CLCN1: variants seen among roughly 807,000 people sequenced by gnomAD.
CLCN1 encodes chloride channel protein 1.
In CLCN1, 100 loss-of-function variants were observed where a neutral mutation model predicts 114.5. That is an observed-to-expected ratio of 0.87 (90% CI 0.74 to 1.03). CLCN1 has a LOEUF of 1.03. CLCN1 is among the 50% of genes least tolerant of loss of function. The pLI is 0.00. For missense variants in CLCN1, 1,188 were observed against 1,250.0 expected (o/e 0.95, Z 0.75); for synonymous variants, 485 against 487.1 (o/e 1.00, Z 0.06).
At chr7:143,319,181 G>T (rs1368211477) in intron 1 of CLCN1, among the ~76,000 whole-genome samples, 1 of 152,158 alleles carries the variant, frequency 6.6e-6, no homozygotes, top group Non-Finnish European at 1.5e-5. Context: ...TGCCTTTTCG[G>T]GCTAGTTCTT....
At position 143,326,892 on chromosome 7, in the gene CLCN1, A is replaced by G. The variant is rs144480407; in HGVS notation, c.853+2400A>G. On this transcript the variant is annotated intron_variant, in intron 7 of 22. Transcript: ENST00000343257. ...TCATGGTTTACTAGATCTAATGTGT[A>G]AAAATGGTTCTATAAACCAGTTGGA... 9.6e-3 allele frequency among the ~76,000 whole-genome samples: 1,470 copies of G among 152,338 alleles called. 30 individuals are homozygous for G. Among genetic ancestry groups the G allele is most frequent in the African/African-American group, 0.034 (1,398 of 41,560 alleles).
intron 1 of CLCN1, 37 bp downstream of exon 1, chr7:143,316,429 A>G (rs1341011756): frequency 1.3e-6 from 2 of 1,577,936 alleles, no homozygotes; most frequent in Non-Finnish European, 1.7e-6. Context: ...GCCATGGATG[A>G]GGGGAGACAG....
intron 9 of CLCN1, 31 bp downstream of exon 9, chr7:143,331,347 G>T (rs748321826): frequency 2.0e-6 from 3 of 1,503,272 alleles, no homozygotes; most frequent in East Asian, 4.5e-5. Flanking sequence ...TGTGTGTGGT[G>T]AGCAGGGTGT....
intron 22 of CLCN1, among the ~76,000 whole-genome samples, chr7:143,351,387 G>T (rs1413961524): frequency 6.6e-6 from 1 of 152,094 alleles, no homozygotes; most frequent in Non-Finnish European, 1.5e-5. Context: ...TGGATCTTTT[G>T]TCATGCCCCT....
intron 12 of CLCN1, among the ~76,000 whole-genome samples, chr7:143,338,200 C>T (rs1802964841): frequency 6.6e-6 from 1 of 152,052 alleles, no homozygotes. Flanking sequence ...AAAATGGTCT[C>T]AATTTCTATT....
chr7:143,323,945 A>G, intron 6 of CLCN1: 1 of 448,922 alleles, frequency 2.2e-6, no homozygotes, highest in South Asian at 1.6e-5. Flanking sequence ...AAGACTTAGA[A>G]GGGGGTTTTG....
chr7:143,328,456 C>T (rs1200794337), intron 7 of CLCN1, among the ~76,000 whole-genome samples: 1 of 152,154 alleles, frequency 6.6e-6, no homozygotes, highest in Non-Finnish European at 1.5e-5. Flanking sequence ...CTTAGCTGCA[C>T]ATTTTATGTC....
intron 12 of CLCN1, among the ~76,000 whole-genome samples, chr7:143,336,436 C>T: frequency 6.6e-6 from 1 of 151,546 alleles, no homozygotes; most frequent in East Asian, 1.9e-4. Flanking sequence ...ATGGCAAAAC[C>T]CTGTCTCAAC....
intron 1 of CLCN1, among the ~76,000 whole-genome samples, chr7:143,316,687 A>C (rs571877030): frequency 6.6e-6 from 1 of 152,248 alleles, no homozygotes; most frequent in South Asian, 2.1e-4. Context: ...TGCTTACATA[A>C]CCTACGTGGA....
chr7:143,316,223 C>T lies in CLCN1; in HGVS notation c.11C>T (p.Ser4Phe), dbSNP rs777366731. 3 of 1,613,072 alleles carry T rather than the reference C, an allele frequency of 1.9e-6. No individual in the cohort carries two copies. The highest frequency in any genetic ancestry group is 2.5e-6 in the Non-Finnish European group (3 of 1,179,480). ...TCGGGGGGAGGGAATATGGAGCAAT[C>T]CCGGTCACAGCAGCGTGGGGGTGAA... MEQSRSQQRGGEQS... is the reference protein window; with the variant it reads MEQFRSQQRGGEQS... The change falls in exon 1 of 23, where the codon TCC (serine) becomes TTC (phenylalanine). Residue 4 changes from serine (S) to phenylalanine (F), a missense_variant. By Grantham distance (155) the Ser-to-Phe change is radical. Coordinates refer to ENST00000343257, the MANE Select transcript of CLCN1 (RefSeq NM_000083.3).
intron 7 of CLCN1, among the ~76,000 whole-genome samples, chr7:143,329,696 G>A (rs1040261754): frequency 6.6e-6 from 1 of 152,182 alleles, no homozygotes; most frequent in African/African-American, 2.4e-5. Flanking sequence ...AACCTGCCTA[G>A]TTCAAGGTTT....
chr7:143,320,558 TCTCTCTCTC>T, intron 2 of CLCN1, 97 bp from the exon 3 acceptor site: 2 of 808,142 alleles, frequency 2.5e-6, no homozygotes. Flanking sequence ...TGCTTTTCTC[TCTCTCTCTC>T]TCTCTCTCTC....
intron 7 of CLCN1, 83 bp from the exon 8 acceptor site, chr7:143,330,689 G>C (rs762109111): frequency 6.5e-5 from 103 of 1,587,836 alleles, no homozygotes; most frequent in Non-Finnish European, 8.4e-5. Flanking sequence ...TTCAGCAAAA[G>C]CTCCTTAGGT....
rs1038304103 is a variant in CLCN1, at chr7:143,321,310, G to A, written c.434-55G>A. Reference sequence around the variant, plus strand: ...CATGCCGGGTACACGTCCTGGTGCCGTGGACACGGCTGCTCAGCCATGTTC... The same window carrying A: ...CATGCCGGGTACACGTCCTGGTGCCATGGACACGGCTGCTCAGCCATGTTC... On this transcript the variant is annotated intron_variant, in intron 3 of 22. Transcript: ENST00000343257. The surrounding 1 kb of genome is among the most constrained non-coding windows in gnomAD (Gnocchi z 4.2). The A allele has an allele frequency of 3.4e-5, 54 of 1,607,730 alleles. No homozygotes were observed. Among genetic ancestry groups the A allele is most frequent in the Admixed American group, 6.7e-5 (4 of 59,316 alleles).
In CLCN1 at chr7:143,323,324, A is replaced by C; in HGVS notation, c.712A>C (p.Ile238Leu). ...PVGKEGPFVH[I>L]ASICAAVLSK... ...CCTCTCCCAGGGCCCCTTCGTCCAC[A>C]TTGCCAGCATCTGTGCTGCTGTCCT... The change falls in exon 6 of 23, where the codon ATT becomes CTT. Residue 238 changes from isoleucine to leucine, a missense_variant. Transcript: ENST00000343257. 2 of 1,612,466 alleles carry C rather than the reference A, an allele frequency of 1.2e-6. No individual in the cohort carries two copies. Among genetic ancestry groups the C allele is most frequent in the South Asian group, 2.2e-5 (2 of 91,028 alleles).
At chr7:143,336,608 A>T (rs1326269751) in intron 12 of CLCN1, among the ~76,000 whole-genome samples, 1 of 52,258 alleles carries the variant, frequency 1.9e-5, no homozygotes, top group African/African-American at 1.1e-4. Flanking sequence ...CTCTGTCAAA[A>T]AAAAAAAAAA....
Position 143,324,553 on chromosome 7 carries a change from T to G in CLCN1, c.853+61T>G. On this transcript the variant is annotated intron_variant, in intron 7 of 22. Transcript: ENST00000343257. The surrounding 1 kb of genome is among the most constrained non-coding windows in gnomAD (Gnocchi z 4.6). ...GCCTGGCCTGGCTCCCAAAACAGTT[T>G]TAATCAGTATCCACAAGTGCTGGTA... The G allele has an allele frequency of 7.9e-7, 1 of 1,267,018 alleles. No individual in the cohort carries two copies. Among genetic ancestry groups the G allele is most frequent in the Non-Finnish European group, 1.2e-6 (1 of 865,036 alleles). 78.5% of individuals were successfully genotyped at this position (1,267,018 alleles called of 1,614,324 possible). A position where few individuals can be genotyped will look rare whatever the true frequency, so the allele number is the denominator to read the frequency against.
At chr7:143,342,882 G>A (rs899387184) in intron 16 of CLCN1, among the ~76,000 whole-genome samples, 11 of 151,806 alleles carry the variant, frequency 7.2e-5, no homozygotes, top group African/African-American at 2.4e-4. Context: ...GCGATGAGCC[G>A]AGAACGTGTC....
At chr7:143,340,271 C>T (rs1222492435) in intron 14 of CLCN1, among the ~76,000 whole-genome samples, 1 of 152,264 alleles carries the variant, frequency 6.6e-6, no homozygotes, top group East Asian at 1.9e-4. Context: ...ACGCTGCTCC[C>T]CTGACATAGT....
Sources: gnomAD v4.1 joint callset for allele counts (sites outside exome capture counted in the v4.1 genomes callset) on GRCh38, gnomAD v4.1.1 for gene constraint, Gnocchi (gnomAD v3.1) non-coding constraint, MANE v1.5 for transcripts, NCBI Gene and HGNC (gene_info 2026-07-23, HGNC 2026-07-21) for gene names.